The following DPP10 variants were observed in gnomAD, a reference collection of about 807,000 sequenced individuals.
DPP10 encodes the protein inactive dipeptidyl peptidase 10.
A neutral mutation model predicts 120.9 loss-of-function variants in DPP10; 33 were observed. That is an observed-to-expected ratio of 0.27 (90% CI 0.21 to 0.37). The LOEUF is 0.37. Among genes scored for constraint, DPP10 ranks in the 10% least tolerant of loss-of-function variants. The pLI, the probability that DPP10 is intolerant of heterozygous loss-of-function variation, is 1.00. For synonymous variants in DPP10, 337 were observed against 326.1 expected, an observed-to-expected ratio of 1.03 and a Z score of -0.36; for missense variants, 816 against 942.8, an observed-to-expected ratio of 0.87 and a Z score of 1.76.
intron 1 of DPP10, among the ~76,000 whole-genome samples, chr2:114,644,130 G>T (rs1411834879): frequency 6.8e-6 from 1 of 147,414 alleles, no homozygotes; most frequent in Non-Finnish European, 1.5e-5. Context: ...TTTTAGTAGA[G>T]ATGGGGTTTT....
intron 1 of DPP10, among the ~76,000 whole-genome samples, chr2:114,508,054 C>T (rs1683825876): frequency 6.6e-6 from 1 of 151,658 alleles, no homozygotes; most frequent in South Asian, 2.1e-4. Flanking sequence ...CTTCTTTTTT[C>T]CATCTCTCTC....
intron 1 of DPP10, among the ~76,000 whole-genome samples, chr2:114,682,750 A>G (rs911289577): frequency 9.7e-5 from 14 of 144,636 alleles, no homozygotes; most frequent in African/African-American, 3.8e-4. Context: ...TTTTATATCT[A>G]TCTATCTATC....
In DPP10 at chr2:115,414,795, A is replaced by G. The variant is rs902891050; in HGVS notation, c.271+70883A>G. Among the ~76,000 whole-genome samples, 6 of 152,330 alleles carry G rather than the reference A, an allele frequency of 3.9e-5. No individual in the cohort carries two copies. In the East Asian group the frequency reaches 1.2e-3, roughly 29 times the overall value. ...AAGGGAAAATGCTGATCTCTGGAATACTTTGGACAATTCATGCATCAAAAG... is the reference window on the plus strand; with the variant it reads ...AAGGGAAAATGCTGATCTCTGGAATGCTTTGGACAATTCATGCATCAAAAG... On this transcript the variant is annotated intron_variant, in intron 3 of 25. Transcript: ENST00000410059.
At chr2:114,652,005 C>T (rs1021393026) in intron 1 of DPP10, among the ~76,000 whole-genome samples, 3 of 152,036 alleles carry the variant, frequency 2.0e-5, no homozygotes, top group East Asian at 1.9e-4. Flanking sequence ...GATTCCTATC[C>T]GTGAACCCCA....
intron 1 of DPP10, among the ~76,000 whole-genome samples, chr2:114,797,393 T>C (rs1018592904): frequency 3.9e-5 from 6 of 152,204 alleles, no homozygotes; most frequent in Admixed American, 3.3e-4. Flanking sequence ...GTTTACTCCC[T>C]GGGTGATCTT....
At chr2:114,741,966 G>T (rs1175047983) in intron 1 of DPP10, among the ~76,000 whole-genome samples, 2 of 152,164 alleles carry the variant, frequency 1.3e-5, no homozygotes, top group Non-Finnish European at 2.9e-5. Context: ...CTTTGTTCCA[G>T]CAGGGGATTT....
At chr2:115,324,417 G>T (rs1332163905) in intron 2 of DPP10, among the ~76,000 whole-genome samples, 3 of 152,174 alleles carry the variant, frequency 2.0e-5, no homozygotes, top group Non-Finnish European at 4.4e-5. Context: ...TTCTACATGA[G>T]CACTTGCTGC....
chr2:115,664,935 C>T (rs1458034704), intron 5 of DPP10, among the ~76,000 whole-genome samples: 1 of 134,332 alleles, frequency 7.4e-6, no homozygotes, highest in Non-Finnish European at 1.8e-5. Context: ...GTCAGTTGTA[C>T]TAGCCATGTC....
At chr2:115,650,410 A>AGGG (rs55765727) in intron 5 of DPP10, among the ~76,000 whole-genome samples, 1 of 129,830 alleles carries the variant, frequency 7.7e-6, no homozygotes, top group African/African-American at 3.0e-5. Flanking sequence ...GCATGGGGAA[A>AGGG]GGGGGGGGGG....
intron 5 of DPP10, among the ~76,000 whole-genome samples, chr2:115,685,165 A>G (rs2090915381): frequency 6.6e-6 from 1 of 151,968 alleles, no homozygotes; most frequent in Non-Finnish European, 1.5e-5. Flanking sequence ...AGGTTGATTT[A>G]AATGTTAAGT....
intron 1 of DPP10, among the ~76,000 whole-genome samples, chr2:114,845,018 G>A (rs1288423544): frequency 3.3e-5 from 5 of 152,120 alleles, no homozygotes. Context: ...AAGATAAAAT[G>A]CAATTGTTAA....
At chr2:115,525,791 G>C in intron 4 of DPP10, 107 bp from the exon 5 acceptor site, 1 of 727,438 alleles carries the variant, frequency 1.4e-6, no homozygotes, top group Non-Finnish European at 2.2e-6. Flanking sequence ...AAAGAAATGA[G>C]AATGCCATTT....
intron 1 of DPP10, among the ~76,000 whole-genome samples, chr2:114,908,184 T>C (rs946139497): frequency 1.1e-4 from 17 of 152,146 alleles, no homozygotes; most frequent in South Asian, 2.1e-4. Context: ...GTACTCAAGC[T>C]AGTTGTATCT....
chr2:114,565,384 C>A (rs1310457328), intron 1 of DPP10, among the ~76,000 whole-genome samples: 2 of 152,092 alleles, frequency 1.3e-5, no homozygotes, highest in Non-Finnish European at 2.9e-5. Flanking sequence ...ACCACATTGC[C>A]CACCTGATCT....
intron 3 of DPP10, among the ~76,000 whole-genome samples, chr2:115,425,996 GAT>G (rs2070425762): frequency 6.6e-6 from 1 of 152,220 alleles, no homozygotes; most frequent in Non-Finnish European, 1.5e-5. Flanking sequence ...ACTAATGAGG[GAT>G]CTGCCTCCAT....
At chr2:114,455,459 C>T (rs933107919) in intron 1 of DPP10, among the ~76,000 whole-genome samples, 49 of 151,740 alleles carry the variant, frequency 3.2e-4, no homozygotes, top group Middle Eastern at 3.4e-3. Flanking sequence ...GCAGGAGAAT[C>T]GCCTGAACCT....
rs537695340 is a variant in DPP10 at position 114,770,887 on chromosome 2, G to A, written c.60+328049G>A. 1.5e-4 allele frequency among the ~76,000 whole-genome samples: 22 copies of A among 151,704 alleles called. No individual in the cohort carries two copies. In the South Asian group the frequency reaches 3.9e-3, roughly 27 times the overall value. ...TTTTTGAAATGAGTTTTATGTCTTGGCCACATCTCCTTGATATCCTTCAGC... is the reference window on the plus strand; with the variant it reads ...TTTTTGAAATGAGTTTTATGTCTTGACCACATCTCCTTGATATCCTTCAGC... On this transcript the variant is annotated intron_variant, in intron 1 of 25. Transcript: ENST00000410059.
At chr2:115,038,174 A>G (rs1704358084) in intron 1 of DPP10, among the ~76,000 whole-genome samples, 1 of 152,134 alleles carries the variant, frequency 6.6e-6, no homozygotes, top group Non-Finnish European at 1.5e-5. Context: ...ATTGATACAA[A>G]TACACCACAA....
At chr2:115,645,636 TA>T (rs1271856700) in intron 5 of DPP10, among the ~76,000 whole-genome samples, 2 of 152,014 alleles carry the variant, frequency 1.3e-5, no homozygotes, top group African/African-American at 2.4e-5. Flanking sequence ...TTCCTTATTA[TA>T]AAAAAAATTA....
Sources: allele counts gnomAD v4.1 joint callset (sites outside exome capture counted in the v4.1 genomes callset), GRCh38; gene constraint gnomAD v4.1.1; transcripts MANE v1.5; gene names NCBI Gene and HGNC (gene_info 2026-07-23, HGNC 2026-07-21).